The following POLR2M variants were observed in gnomAD, a reference collection of about 807,000 sequenced individuals.
POLR2M encodes the protein RNA polymerase II subunit M, also known as protein GRINL1A.
POLR2M carries 30 observed loss-of-function variants against 34.6 expected under a neutral mutation model. The observed-to-expected ratio is 0.87, with a 90% confidence interval of 0.65 to 1.18. The LOEUF is 1.18. Among genes scored for constraint, POLR2M ranks in the 50% most tolerant of loss-of-function variants. The pLI, the probability that POLR2M is intolerant of heterozygous loss-of-function variation, is 0.00. For synonymous variants in POLR2M, 150 were observed against 166.7 expected (o/e 0.90, Z 0.77); for missense variants, 432 against 448.7 (o/e 0.96, Z 0.34).
intron 3 of POLR2M, among the ~76,000 whole-genome samples, chr15:57,713,994 C>T (rs2040845818): frequency 6.6e-6 from 1 of 151,546 alleles, no homozygotes; most frequent in Non-Finnish European, 1.5e-5. Context: ...TTCACAGGCA[C>T]CCGCCACCAC....
Position 57,709,069 on chromosome 15 carries a change from A to G in POLR2M, c.469A>G (p.Ser157Gly), listed in dbSNP as rs1291143652. The change falls in exon 2 of 4, where the codon AGC becomes GGC. Residue 157 changes from serine to glycine, a missense_variant. Ser to Gly is a moderately conservative substitution (Grantham distance 56). Coordinates refer to ENST00000299638, the MANE Select transcript of POLR2M (RefSeq NM_015532.5). ...CACAGTGAATAAGGGCCCAGCTTCC[A>G]GCAATAGAGACAGGGTACCACCTTC... ...EYTVNKGPAS[S>G]NRDRVPPSSE... The G allele has an allele frequency of 3.7e-6, 6 of 1,614,202 alleles. No individual in the cohort carries two copies. In the East Asian group the frequency reaches 1.1e-4, roughly 30 times the overall value.
intron 1 of POLR2M, chr15:57,707,269 T>G: frequency 2.1e-6 from 2 of 948,704 alleles, no homozygotes; most frequent in East Asian, 5.3e-5. Context: ...CTAAACCCTT[T>G]TGTCGCCCGC....
rs1205700206 is a variant in POLR2M at position 57,716,552 on chromosome 15, A to C, written c.*1873A>C. ...GAAAATTACTACTTAAAATCTTTGC[A>C]AATTGAATAATTACAGAAAAGGGCT... On this transcript the variant is annotated 3_prime_UTR_variant, in exon 4 of 4. Transcript: ENST00000299638. 8 of 152,292 alleles carry C rather than the reference A, an allele frequency of 5.3e-5. No individual in the cohort carries two copies. Among genetic ancestry groups the C allele is most frequent in the African/African-American group, 2.4e-5 (1 of 41,480 alleles). The allele number at this position is 152,292 out of a possible 1,614,324, so 9.4% of individuals were successfully genotyped here.
Position 57,715,308 on chromosome 15 carries a change from G to GT in POLR2M, c.*637dup, listed in dbSNP as rs373336082. The GT allele has an allele frequency of 5.9e-3, 903 of 152,398 alleles. 6 individuals are homozygous for GT. Among genetic ancestry groups the GT allele is most frequent in the African/African-American group, 0.021 (861 of 41,432 alleles). The allele number at this position is 152,398 out of a possible 1,614,324, so 9.4% of individuals were successfully genotyped here. On this transcript the variant is annotated 3_prime_UTR_variant, in exon 4 of 4. Transcript: ENST00000299638. ...TTTGAGTAGATGCTGGAAAGTGGAG[G>GT]TTTTTTTTGTTGGTTTGTTTGTTTG...
chr15:57,711,267 C>G (rs1249605640), intron 2 of POLR2M, among the ~76,000 whole-genome samples: 1 of 152,202 alleles, frequency 6.6e-6, no homozygotes, highest in African/African-American at 2.4e-5. Flanking sequence ...AGTGAAGACT[C>G]TCATCTCTCT....
At chr15:57,707,113 G>C (rs1338966952) in intron 1 of POLR2M, 158 bp downstream of exon 1, 5 of 1,544,938 alleles carry the variant, frequency 3.2e-6, no homozygotes, top group African/African-American at 2.7e-5. Flanking sequence ...AGGGCTTGCT[G>C]CGGCAGAGCC....
In POLR2M at chr15:57,711,995, G is replaced by A. The variant is rs760210795; in HGVS notation, c.770G>A (p.Arg257Gln). ...TTTCCTTTCATCAGGTTACCTTTTC[G>A]ACAAAATGATTCATCTAGTCATTGC... ...RKFKTNVLPFRQNDSSSHCQK... is the reference protein window; with the variant it reads ...RKFKTNVLPFQQNDSSSHCQK... Residue 257 changes from arginine to glutamine, a missense_variant, in exon 3 of 4, where the codon CGA becomes CAA. Physicochemically the swap from Arg to Gln is conservative, Grantham distance 43 (BLOSUM62 1). Transcript: ENST00000299638. The A allele has an allele frequency of 8.7e-6, 14 of 1,613,806 alleles. No homozygotes were observed. The highest frequency in any genetic ancestry group is 2.2e-5 in the East Asian group (1 of 44,882).
At position 57,708,929 on chromosome 15, in the gene POLR2M, C is replaced by T; in HGVS notation, c.329C>T (p.Ser110Leu). ...QNSDPILDTS[S>L]LVPGCSSVDN... ...TCTGACCCGATACTTGATACTTCAT[C>T]ACTAGTTCCTGGATGTTCCTCTGTA... The change falls in exon 2 of 4, where the codon TCA becomes TTA. Residue 110 changes from serine (S) to leucine (L), a missense_variant. Physicochemically the swap from Ser to Leu is moderately radical, Grantham distance 145 (BLOSUM62 -2). Coordinates refer to ENST00000299638, the MANE Select transcript of POLR2M (RefSeq NM_015532.5). 1 of 1,614,116 alleles carries T rather than the reference C, an allele frequency of 6.2e-7. No individual in the cohort carries two copies.
rs1477470652 is a variant in POLR2M, at chr15:57,706,810, G to T, written c.-33G>T. The T allele has an allele frequency of 5.8e-6, 9 of 1,541,432 alleles. No homozygotes were observed. Among genetic ancestry groups the T allele is most frequent in the Non-Finnish European group, 7.0e-6 (8 of 1,139,534 alleles). ...GCGGGGCCTGCCGAGGAAGCCGAGT[G>T]CCCGCCGCCGCGCCAGCCTCAGCCC... On this transcript the variant is annotated 5_prime_UTR_variant, in exon 1 of 4. Transcript: ENST00000299638.
chr15:57,709,467 A>G, intron 2 of POLR2M, 109 bp downstream of exon 2: 2 of 1,304,168 alleles, frequency 1.5e-6, no homozygotes, highest in Non-Finnish European at 2.1e-6. Flanking sequence ...CAGGCTACTC[A>G]GGAGGCTGAG....
chr15:57,707,127 C>T (rs1382758236), intron 1 of POLR2M, 172 bp downstream of exon 1: 14 of 1,539,884 alleles, frequency 9.1e-6, no homozygotes, highest in East Asian at 2.5e-5. Context: ...CAGAGCCGTG[C>T]CTCTTCCTGG....
At chr15:57,709,809 C>G (rs142452595) in intron 2 of POLR2M, among the ~76,000 whole-genome samples, 132 of 152,094 alleles carry the variant, frequency 8.7e-4, no homozygotes, top group African/African-American at 3.0e-3. Context: ...TTTTCAGAAC[C>G]ATTTTTTAGT....
intron 3 of POLR2M, among the ~76,000 whole-genome samples, chr15:57,713,170 C>T (rs1321535613): frequency 6.8e-6 from 1 of 146,222 alleles, no homozygotes; most frequent in Admixed American, 6.9e-5. Flanking sequence ...CTCTGTATAG[C>T]CTGGGTGACA....
In POLR2M at chr15:57,706,898, G is replaced by A. The variant is rs2040503149; in HGVS notation, c.56G>A (p.Arg19Gln). The change falls in exon 1 of 4, where the codon CGG (arginine) becomes CAG (glutamine). Residue 19 changes from arginine (R) to glutamine (Q), a missense_variant. Coordinates refer to ENST00000299638, the MANE Select transcript of POLR2M (RefSeq NM_015532.5). ...CAAGCTCCCGAGGACTTGGCGCAGC[G>A]GAGTTTGGTGGAGCTGCGGGAAATG... ...EPQAPEDLAQ[R>Q]SLVELREMLK... 2 of 1,600,932 alleles carry A rather than the reference G, an allele frequency of 1.2e-6. No homozygotes were observed. Among genetic ancestry groups the A allele is most frequent in the Non-Finnish European group, 1.7e-6 (2 of 1,173,540 alleles).
At position 57,712,009 on chromosome 15, in the gene POLR2M, T is replaced by A. The variant is rs757052305; in HGVS notation, c.784T>A (p.Ser262Thr). Residue 262 changes from serine (S) to threonine (T), a missense_variant, in exon 3 of 4, where the codon TCT becomes ACT. Physicochemically the swap from Ser to Thr is moderately conservative, Grantham distance 58. Transcript: ENST00000299638. ...GTTACCTTTTCGACAAAATGATTCA[T>A]CTAGTCATTGCCAGAAGAGTGGGTC... ...NVLPFRQNDSSSHCQKSGSPI... is the reference protein window; with the variant it reads ...NVLPFRQNDSTSHCQKSGSPI... The A allele has an allele frequency of 2.3e-5, 37 of 1,613,868 alleles. No individual in the cohort carries two copies. The highest frequency in any genetic ancestry group is 3.0e-5 in the Non-Finnish European group (35 of 1,179,896).
chr15:57,708,694 T>G lies in POLR2M; in HGVS notation c.114-20T>G. On this transcript the variant is annotated intron_variant, in intron 1 of 3. Coordinates refer to ENST00000299638, the MANE Select transcript of POLR2M (RefSeq NM_015532.5). ...TAAAAAAATGGCTGTAATGTAATAG[T>G]ATTCTTTTCCATTTGACAGAAAATT... 1 of 1,552,896 alleles carries G rather than the reference T, an allele frequency of 6.4e-7. No homozygotes were observed. Among genetic ancestry groups the G allele is most frequent in the Non-Finnish European group, 8.7e-7 (1 of 1,153,162 alleles).
At chr15:57,712,983 G>A (rs570363123) in intron 3 of POLR2M, among the ~76,000 whole-genome samples, 22 of 152,216 alleles carry the variant, frequency 1.4e-4, no homozygotes, top group Non-Finnish European at 1.6e-4. Context: ...TATAACACCA[G>A]ACTGTTCAGG....
chr15:57,711,757 A>C (rs1451414251), intron 2 of POLR2M, among the ~76,000 whole-genome samples: 2 of 152,088 alleles, frequency 1.3e-5, no homozygotes, highest in African/African-American at 4.8e-5. Context: ...AAAAAAAAAA[A>C]AAAACTCCAG....
At chr15:57,710,688 A>C (rs2140822950) in intron 2 of POLR2M, among the ~76,000 whole-genome samples, 1 of 152,186 alleles carries the variant, frequency 6.6e-6, no homozygotes, top group Non-Finnish European at 1.5e-5. Flanking sequence ...ATGGTCATTT[A>C]GCTGGGAGTG....
Sources: gnomAD v4.1 joint callset for allele counts (sites outside exome capture counted in the v4.1 genomes callset) on GRCh38, gnomAD v4.1.1 for gene constraint, MANE v1.5 for transcripts, NCBI Gene and HGNC (gene_info 2026-07-23, HGNC 2026-07-21) for gene names.